The following GXYLT1 variants were observed in gnomAD, a reference collection of about 807,000 sequenced individuals.
GXYLT1 encodes the protein glycosyltransferase 8 domain containing 3.
Under a neutral mutation model 54.0 loss-of-function variants are expected in GXYLT1, and 29 were observed. The observed-to-expected ratio is 0.54, with a 90% CI of 0.40 to 0.73. The LOEUF (loss-of-function observed/expected upper bound fraction) is 0.73, where lower values mean the gene tolerates loss of function less well. GXYLT1 is among the 30% of genes least tolerant of loss of function. The pLI is 0.00. For synonymous variants in GXYLT1, 176 were observed against 204.1 expected, an observed-to-expected ratio of 0.86 and a Z score of 1.17; for missense variants, 490 against 553.4, an observed-to-expected ratio of 0.89 and a Z score of 1.15.
intron 2 of GXYLT1, among the ~76,000 whole-genome samples, chr12:42,123,194 G>A (rs1034547004): frequency 6.6e-6 from 1 of 151,944 alleles, no homozygotes; most frequent in Non-Finnish European, 1.5e-5. Context: ...AAGATACAAA[G>A]GACATTAACA....
chr12:42,144,690 C>CGCCG lies in GXYLT1; in HGVS notation c.-45_-44insCGGC. 2 of 1,364,002 alleles carry CGCCG rather than the reference C, an allele frequency of 1.5e-6. No homozygotes were observed. Among genetic ancestry groups the CGCCG allele is most frequent in the Non-Finnish European group, 1.9e-6 (2 of 1,046,314 alleles). 84.5% of individuals were successfully genotyped at this position (1,364,002 alleles called of 1,614,324 possible). On this transcript the variant is annotated 5_prime_UTR_variant, in exon 1 of 8. Coordinates refer to ENST00000398675, the MANE Select transcript of GXYLT1 (RefSeq NM_173601.2). ...CCTTCGCCGCCGCCGCCGCGCCCGCCCCGACGAACTGGAGCGGAGGGAGGG... is the reference window on the plus strand; with the variant it reads ...CCTTCGCCGCCGCCGCCGCGCCCGCCGCCGCCGACGAACTGGAGCGGAGGGAGGG...
chr12:42,137,503 C>CA (rs34628599), intron 1 of GXYLT1, among the ~76,000 whole-genome samples: 26,400 of 71,250 alleles, frequency 0.37, 5,153 homozygotes, highest in South Asian at 0.5. Context: ...GCATCTGTTT[C>CA]AAAAAAAAAA....
chr12:42,089,460 T>C lies in GXYLT1; in HGVS notation c.1162-1513A>G, dbSNP rs571734845. Among the ~76,000 whole-genome samples, 9 of 152,256 alleles carry C rather than the reference T, an allele frequency of 5.9e-5. No individual in the cohort carries two copies. The East Asian group carries it at 1.4e-3, about 23-fold the overall frequency. On this transcript the variant is annotated intron_variant, in intron 7 of 7. Transcript: ENST00000398675. ...ATGTAACAAACCTGCACGTTGTGCA[T>C]ATGTACCCTAGAACTTAAAGTATAA...
intron 2 of GXYLT1, among the ~76,000 whole-genome samples, chr12:42,123,933 C>A: frequency 1.4e-5 from 2 of 146,510 alleles, no homozygotes; most frequent in African/African-American, 2.5e-5. Flanking sequence ...CCCAGCAACA[C>A]ATAATGGACT....
At chr12:42,132,195 T>C (rs1430608898) in intron 1 of GXYLT1, among the ~76,000 whole-genome samples, 1 of 152,182 alleles carries the variant, frequency 6.6e-6, no homozygotes, top group Non-Finnish European at 1.5e-5. Context: ...AAAATACAGA[T>C]ATAGGATCCT....
At chr12:42,122,958 AGT>A (rs2136909310) in intron 2 of GXYLT1, among the ~76,000 whole-genome samples, 1 of 152,284 alleles carries the variant, frequency 6.6e-6, no homozygotes, top group South Asian at 2.1e-4. Context: ...TATCCCATGC[AGT>A]AATCCTGCCA....
chr12:42,105,459 C>T (rs1052184589), intron 5 of GXYLT1, among the ~76,000 whole-genome samples: 1 of 152,130 alleles, frequency 6.6e-6, no homozygotes, highest in Non-Finnish European at 1.5e-5. Flanking sequence ...ACTGCAACTC[C>T]ATGTTGTCCC....
At chr12:42,137,772 A>AAAC (rs2065629009) in intron 1 of GXYLT1, among the ~76,000 whole-genome samples, 1 of 151,190 alleles carries the variant, frequency 6.6e-6, no homozygotes, top group Admixed American at 6.6e-5. Flanking sequence ...GAAAAAAAAA[A>AAAC]AAAAAAGTCA....
At chr12:42,121,548 C>A (rs1238429484) in intron 2 of GXYLT1, among the ~76,000 whole-genome samples, 1 of 151,936 alleles carries the variant, frequency 6.6e-6, no homozygotes, top group Non-Finnish European at 1.5e-5. Context: ...GAGGGTTGCT[C>A]GAGTCCAGGA....
rs1414839518 is a variant in GXYLT1, at chr12:42,087,653, T to TA, written c.*132dup. 4 of 619,772 alleles carry TA rather than the reference T, an allele frequency of 6.5e-6. No individual in the cohort carries two copies. The highest frequency in any genetic ancestry group is 7.3e-5 in the Admixed American group (2 of 27,466). 38.4% of individuals were successfully genotyped at this position (619,772 alleles called of 1,614,324 possible). A position where few individuals can be genotyped will look rare whatever the true frequency, so the allele number is the denominator to read the frequency against. On this transcript the variant is annotated 3_prime_UTR_variant, in exon 8 of 8. Transcript: ENST00000398675. ...TCATTACCTGAAAATACTGCTTACTTAACTTCTTTAGGAAAAAAAAAATTA... is the reference window on the plus strand; with the variant it reads ...TCATTACCTGAAAATACTGCTTACTTAAACTTCTTTAGGAAAAAAAAAATTA...
chr12:42,103,922 A>G (rs1289508639), intron 5 of GXYLT1, among the ~76,000 whole-genome samples: 1 of 152,180 alleles, frequency 6.6e-6, no homozygotes, highest in African/African-American at 2.4e-5. Context: ...ATTATTTATG[A>G]ATGATATTTA....
chr12:42,098,140 G>A (rs1191978840), intron 5 of GXYLT1, 107 bp from the exon 6 acceptor site: 1 of 1,031,128 alleles, frequency 9.7e-7, no homozygotes, highest in East Asian at 2.4e-5. Context: ...TCCACAAAGA[G>A]AAATGCAAAC....
Position 42,087,473 on chromosome 12 carries a change from C to A in GXYLT1, c.*313G>T, listed in dbSNP as rs2065301314. On this transcript the variant is annotated 3_prime_UTR_variant, in exon 8 of 8. Coordinates refer to ENST00000398675, the MANE Select transcript of GXYLT1 (RefSeq NM_173601.2). ...GAGGTACATTTTCTCCATCTACACA[C>A]CCCTACCACTCTTGAGAGTATGAGT... The A allele has an allele frequency of 4.2e-6, 1 of 235,984 alleles. No homozygotes were observed. Among genetic ancestry groups the A allele is most frequent in the Non-Finnish European group, 8.2e-6 (1 of 122,566 alleles). The allele number at this position is 235,984 out of a possible 1,614,324, so 14.6% of individuals were successfully genotyped here.
rs2065278287 is a variant in GXYLT1, at chr12:42,084,774, A to G, written c.*3012T>C. 6.6e-6 allele frequency: 1 copy of G among 152,282 alleles called. No individual in the cohort carries two copies. Among genetic ancestry groups the G allele is most frequent in the Admixed American group, 6.5e-5 (1 of 15,288 alleles). The allele number at this position is 152,282 out of a possible 1,614,324, so 9.4% of individuals were successfully genotyped here. A position where few individuals can be genotyped will look rare whatever the true frequency, so the allele number is the denominator to read the frequency against. On this transcript the variant is annotated 3_prime_UTR_variant, in exon 8 of 8. Coordinates refer to ENST00000398675, the MANE Select transcript of GXYLT1 (RefSeq NM_173601.2). ...TTAAAACCCTTATATATTATGAACT[A>G]CTCTTCATTAGAAAAAAGTATGCAT...
At chr12:42,118,038 CAGTAAGACGAAGCCAG>C (rs1441638083) in intron 3 of GXYLT1, among the ~76,000 whole-genome samples, 1 of 152,172 alleles carries the variant, frequency 6.6e-6, no homozygotes, top group African/African-American at 2.4e-5. Flanking sequence ...GGCTCAGCCA[CAGTAAGACGAAGCCAG>C]AGTATCTGAA....
At chr12:42,091,588 A>G (rs1007577481) in intron 7 of GXYLT1, among the ~76,000 whole-genome samples, 2 of 152,234 alleles carry the variant, frequency 1.3e-5, no homozygotes, top group Non-Finnish European at 2.9e-5. Flanking sequence ...GAAGGCATAC[A>G]AAGCCTGCTA....
chr12:42,110,166 T>C lies in GXYLT1; in HGVS notation c.487-475A>G, dbSNP rs1052651974. The stretch of plus-strand genomic sequence containing the variant: ...TGCATAGCTTTAATATGCCTAAATA[T>C]TTCTGAGAATATTCTGATACATAGC... On this transcript the variant is annotated intron_variant, in intron 3 of 7. Coordinates refer to ENST00000398675, the MANE Select transcript of GXYLT1 (RefSeq NM_173601.2). Among the ~76,000 whole-genome samples, 4 of 152,218 alleles carry C rather than the reference T, an allele frequency of 2.6e-5. 1 individual carries two copies. The highest frequency in any genetic ancestry group is 7.2e-5 in the African/African-American group (3 of 41,446).
chr12:42,091,085 C>T (rs1306746925), intron 7 of GXYLT1, among the ~76,000 whole-genome samples: 1 of 152,140 alleles, frequency 6.6e-6, no homozygotes, highest in Non-Finnish European at 1.5e-5. Flanking sequence ...GCATAAATAT[C>T]CTTGTCTGAA....
intron 1 of GXYLT1, among the ~76,000 whole-genome samples, chr12:42,136,750 T>TCA (rs1565582046): frequency 1.7e-4 from 5 of 29,632 alleles, no homozygotes; most frequent in South Asian, 1.5e-3. Context: ...AGGAGGTTTT[T>TCA]TATACATACA....
Sources: gnomAD v4.1 joint callset for allele counts (sites outside exome capture counted in the v4.1 genomes callset) on GRCh38, gnomAD v4.1.1 for gene constraint, MANE v1.5 for transcripts, NCBI Gene and HGNC (gene_info 2026-07-23, HGNC 2026-07-21) for gene names.